Variants in KCNJ3 observed in about 807,000 individuals in gnomAD.
KCNJ3 encodes G protein-activated inward rectifier potassium channel 1.
Under a neutral mutation model 39.2 loss-of-function variants are expected in KCNJ3, and 4 were observed. That is an observed-to-expected ratio of 0.10 (90% CI 0.05 to 0.23). KCNJ3 has a LOEUF of 0.23. Among genes scored for constraint, KCNJ3 ranks in the 10% least tolerant of loss-of-function variants. KCNJ3 has a pLI of 1.00. For missense variants in KCNJ3, 276 were observed against 634.9 expected (o/e 0.43, Z 6.08); for synonymous variants, 230 against 237.4 (o/e 0.97, Z 0.29).
chr2:154,771,104 T>C (rs1348243076), intron 2 of KCNJ3, among the ~76,000 whole-genome samples: 1 of 152,062 alleles, frequency 6.6e-6, no homozygotes, highest in Non-Finnish European at 1.5e-5. Flanking sequence ...TTGGCCAGGC[T>C]GGTCTCAAAC....
At chr2:154,711,248 A>G (rs1257591974) in intron 2 of KCNJ3, among the ~76,000 whole-genome samples, 2 of 152,138 alleles carry the variant, frequency 1.3e-5, no homozygotes. Flanking sequence ...TCGTAGTCCA[A>G]GAAATCTTTA....
At chr2:154,767,965 G>T (rs1387594934) in intron 2 of KCNJ3, among the ~76,000 whole-genome samples, 1 of 152,130 alleles carries the variant, frequency 6.6e-6, no homozygotes, top group Middle Eastern at 3.2e-3. Context: ...TCATGTGTCT[G>T]TTGGCTGCAT....
intron 2 of KCNJ3, among the ~76,000 whole-genome samples, chr2:154,732,496 G>A (rs186383977): frequency 6.6e-6 from 1 of 152,000 alleles, no homozygotes; most frequent in Non-Finnish European, 1.5e-5. Flanking sequence ...GACTCAAAAG[G>A]CTTGTGACTT....
Position 154,855,502 on chromosome 2 carries a change from T to A in KCNJ3, c.*189T>A. 1 of 529,822 alleles carries A rather than the reference T, an allele frequency of 1.9e-6. No individual in the cohort carries two copies. The highest frequency in any genetic ancestry group is 3.3e-6 in the Non-Finnish European group (1 of 300,592). The allele number at this position is 529,822 out of a possible 1,614,324, so 32.8% of individuals were successfully genotyped here. A position where few individuals can be genotyped will look rare whatever the true frequency, so the allele number is the denominator to read the frequency against. ...CAACAGTTACGGAGGGAGGACATCA[T>A]AAGGAAGTTATTAACGGGCATGTAT... On this transcript the variant is annotated 3_prime_UTR_variant, in exon 3 of 3. Coordinates refer to ENST00000295101, the MANE Select transcript of KCNJ3 (RefSeq NM_002239.4).
At chr2:154,712,820 A>T (rs753724849) in intron 2 of KCNJ3, among the ~76,000 whole-genome samples, 1 of 152,046 alleles carries the variant, frequency 6.6e-6, no homozygotes, top group Admixed American at 6.6e-5. Flanking sequence ...AGGTGACGGG[A>T]TAGGGATAAA....
At chr2:154,786,955 T>G (rs1211515872) in intron 2 of KCNJ3, among the ~76,000 whole-genome samples, 2 of 152,214 alleles carry the variant, frequency 1.3e-5, no homozygotes, top group Non-Finnish European at 2.9e-5. Flanking sequence ...TATTAATTTG[T>G]TATTCTAAAA....
intron 2 of KCNJ3, among the ~76,000 whole-genome samples, chr2:154,838,697 A>G (rs1344201265): frequency 6.6e-6 from 1 of 152,188 alleles, no homozygotes; most frequent in Non-Finnish European, 1.5e-5. Context: ...TTTATTTTAT[A>G]TAAATGTAAC....
chr2:154,849,172 A>G (rs1483702140), intron 2 of KCNJ3, among the ~76,000 whole-genome samples: 1 of 152,128 alleles, frequency 6.6e-6, no homozygotes, highest in Non-Finnish European at 1.5e-5. Context: ...CCTCTAGAAA[A>G]TAGGAAGGGG....
intron 2 of KCNJ3, among the ~76,000 whole-genome samples, chr2:154,824,518 G>C (rs1687236899): frequency 6.6e-6 from 1 of 152,012 alleles, no homozygotes; most frequent in Non-Finnish European, 1.5e-5. Context: ...AAATCCCCCT[G>C]CACCAAATTT....
At chr2:154,706,710 T>G (rs1574428402) in intron 1 of KCNJ3, among the ~76,000 whole-genome samples, 1 of 152,260 alleles carries the variant, frequency 6.6e-6, no homozygotes, top group East Asian at 1.9e-4. Context: ...TAGAATTATT[T>G]AGAAGCCTAA....
At position 154,833,636 on chromosome 2, in the gene KCNJ3, G is replaced by A. The variant is rs564554928; in HGVS notation, c.920-21091G>A. On this transcript the variant is annotated intron_variant, in intron 2 of 2. Transcript: ENST00000295101. ...AAATGTATGATGATGTATAACCATC[G>A]TTGTGTATCAAACAGAATAATTCCA... Among the ~76,000 whole-genome samples the A allele has an allele frequency of 9.2e-4, 140 of 152,178 alleles. 1 individual carries two copies. The highest frequency in any genetic ancestry group is 3.3e-3 in the African/African-American group (136 of 41,516).
chr2:154,711,671 A>G lies in KCNJ3; in HGVS notation c.919+1852A>G, dbSNP rs145466235. Among the ~76,000 whole-genome samples, 248 of 152,168 alleles carry G rather than the reference A, an allele frequency of 1.6e-3. 2 individuals carry two copies. The highest frequency in any genetic ancestry group is 5.8e-3 in the African/African-American group (242 of 41,546). ...CGGGTATTTTGTAGAATATCTCTCAATTTGGAAATGTCTGCAGTATCCTTA... is the reference window on the plus strand; with the variant it reads ...CGGGTATTTTGTAGAATATCTCTCAGTTTGGAAATGTCTGCAGTATCCTTA... On this transcript the variant is annotated intron_variant, in intron 2 of 2. Coordinates refer to ENST00000295101, the MANE Select transcript of KCNJ3 (RefSeq NM_002239.4).
intron 2 of KCNJ3, among the ~76,000 whole-genome samples, chr2:154,814,224 T>C (rs1423105066): frequency 6.6e-6 from 1 of 152,218 alleles, no homozygotes; most frequent in Non-Finnish European, 1.5e-5. Flanking sequence ...AGGTGACAGC[T>C]CTATTCCCAG....
intron 2 of KCNJ3, among the ~76,000 whole-genome samples, chr2:154,719,453 G>C (rs1685231134): frequency 6.6e-6 from 1 of 152,084 alleles, no homozygotes. Flanking sequence ...TGAAAATCAA[G>C]AGTATGAATT....
intron 2 of KCNJ3, among the ~76,000 whole-genome samples, chr2:154,796,639 G>GT (rs527685933): frequency 8.8e-6 from 1 of 113,452 alleles, no homozygotes; most frequent in Non-Finnish European, 2.2e-5. Context: ...ATGTTTTAAA[G>GT]GGTTTTTTTT....
At chr2:154,825,406 A>T (rs1558883762) in intron 2 of KCNJ3, among the ~76,000 whole-genome samples, 1 of 152,188 alleles carries the variant, frequency 6.6e-6, no homozygotes. Context: ...AGTGCCTAGT[A>T]CAATATTCAA....
chr2:154,776,005 CT>C (rs397872416), intron 2 of KCNJ3, among the ~76,000 whole-genome samples: 143 of 144,664 alleles, frequency 9.9e-4, no homozygotes, highest in African/African-American at 1.1e-3. Context: ...AGAAGTGATT[CT>C]TTTTTTTTTT....
chr2:154,823,095 G>A lies in KCNJ3; in HGVS notation c.920-31632G>A, dbSNP rs537162505. ...TTTGAAGTACATTGTTTGACTACTG[G>A]GAACCGAAACAGATGTTTCTAATAA... On this transcript the variant is annotated intron_variant, in intron 2 of 2. Coordinates refer to ENST00000295101, the MANE Select transcript of KCNJ3 (RefSeq NM_002239.4). Among the ~76,000 whole-genome samples, 86 of 151,886 alleles carry A rather than the reference G, an allele frequency of 5.7e-4. 1 individual carries two copies. Among genetic ancestry groups the A allele is most frequent in the Admixed American group, 5.0e-3 (77 of 15,256 alleles).
chr2:154,764,266 C>T (rs1686095411), intron 2 of KCNJ3, among the ~76,000 whole-genome samples: 4 of 152,140 alleles, frequency 2.6e-5, no homozygotes, highest in Admixed American at 2.6e-4. Flanking sequence ...GAATGCCCTC[C>T]TCTCTTTTAC....
Sources: gnomAD v4.1 joint callset for allele counts (sites outside exome capture counted in the v4.1 genomes callset) on GRCh38, gnomAD v4.1.1 for gene constraint, MANE v1.5 for transcripts, NCBI Gene and HGNC (gene_info 2026-07-23, HGNC 2026-07-21) for gene names.